ANKRD13A: variants seen among roughly 807,000 people sequenced by gnomAD.
ANKRD13A encodes the protein ankyrin repeat domain 13A, also known as ankyrin repeat domain-containing protein 13A.
Under a neutral mutation model 81.3 loss-of-function variants are expected in ANKRD13A, and 48 were observed. The ratio of observed to expected loss-of-function variants is 0.59; its 90% CI spans 0.47 to 0.75. The LOEUF (loss-of-function observed/expected upper bound fraction) is 0.75. Among genes scored for constraint, ANKRD13A ranks in the 30% least tolerant of loss-of-function variants. The probability of loss-of-function intolerance (pLI) is 0.00; values close to 1 mark genes in which losing one functional copy is unlikely to be tolerated. For synonymous variants in ANKRD13A, 230 were observed against 270.1 expected, an observed-to-expected ratio of 0.85 and a Z score of 1.45; for missense variants, 612 against 734.0, an observed-to-expected ratio of 0.83 and a Z score of 1.92.
chr12:110,017,177 T>C (rs1393080425), intron 4 of ANKRD13A, among the ~76,000 whole-genome samples: 1 of 152,208 alleles, frequency 6.6e-6, no homozygotes, highest in African/African-American at 2.4e-5. Context: ...CCCAAATTGC[T>C]GGGATTACAG....
At chr12:110,031,571 G>C (rs1480405162) in intron 12 of ANKRD13A, among the ~76,000 whole-genome samples, 1 of 151,992 alleles carries the variant, frequency 6.6e-6, no homozygotes, top group Non-Finnish European at 1.5e-5. Flanking sequence ...GGCTGGTCTG[G>C]AACTCCTGAC....
In ANKRD13A at chr12:110,013,198, C is replaced by G; in HGVS notation, c.303C>G (p.Asn101Lys). The change falls in exon 3 of 15, where the codon AAC becomes AAG. Residue 101 changes from asparagine to lysine, a missense_variant. Asn to Lys is a moderately conservative substitution (Grantham distance 94). Transcript: ENST00000261739. ...YTVLQHRDYH[N>K]TSMALEGVPE... ...TTCTCCAACATCGAGACTACCACAACACATCCATGGCCCTTGAGGGAGTTC... is the reference window on the plus strand; with the variant it reads ...TTCTCCAACATCGAGACTACCACAAGACATCCATGGCCCTTGAGGGAGTTC... 6.2e-7 allele frequency: 1 copy of G among 1,614,210 alleles called. No individual in the cohort carries two copies.
intron 12 of ANKRD13A, among the ~76,000 whole-genome samples, chr12:110,032,974 T>G (rs1191919446): frequency 6.6e-6 from 1 of 152,124 alleles, no homozygotes. Context: ...AATTATGTAT[T>G]TACCTCTGGA....
chr12:110,036,822 C>T lies in ANKRD13A; in HGVS notation c.1577+494C>T, dbSNP rs1225380493. On this transcript the variant is annotated intron_variant, in intron 14 of 14. Coordinates refer to ENST00000261739, the MANE Select transcript of ANKRD13A (RefSeq NM_033121.2). This position sits in a 1 kb window ranked among gnomAD's most constrained non-coding sequence, Gnocchi z 4.6. Reference sequence around the variant, plus strand: ...CAGTTACTTATAATAACTCTAGACTCTTGATAGCAAGTTTCCAGGAATGGG... The same window carrying T: ...CAGTTACTTATAATAACTCTAGACTTTTGATAGCAAGTTTCCAGGAATGGG... 2.0e-5 allele frequency among the ~76,000 whole-genome samples: 3 copies of T among 152,066 alleles called. No individual in the cohort carries two copies. The highest frequency in any genetic ancestry group is 4.4e-5 in the Non-Finnish European group (3 of 68,032).
At chr12:110,022,658 G>T (rs1891140447) in intron 6 of ANKRD13A, among the ~76,000 whole-genome samples, 1 of 152,124 alleles carries the variant, frequency 6.6e-6, no homozygotes, top group Non-Finnish European at 1.5e-5. Context: ...GACTTCCTGT[G>T]GCAAGACATC....
At chr12:110,007,655 C>T (rs1890308179) in intron 1 of ANKRD13A, among the ~76,000 whole-genome samples, 2 of 152,356 alleles carry the variant, frequency 1.3e-5, no homozygotes, top group Middle Eastern at 6.8e-3. Flanking sequence ...GCTGGGATTA[C>T]AGGTGTGAGC....
chr12:110,007,797 ATTG>A (rs1375477499), intron 1 of ANKRD13A, among the ~76,000 whole-genome samples: 2 of 152,118 alleles, frequency 1.3e-5, no homozygotes, highest in Non-Finnish European at 2.9e-5. Context: ...TATAGATGGA[ATTG>A]TTGTCTTAAT....
chr12:110,024,674 G>C (rs1340102139), intron 7 of ANKRD13A, among the ~76,000 whole-genome samples: 1 of 152,026 alleles, frequency 6.6e-6, no homozygotes, highest in African/African-American at 2.4e-5. Context: ...TTTGGTGTTG[G>C]AGCCCAGTGC....
intron 2 of ANKRD13A, 110 bp downstream of exon 2, chr12:110,012,247 A>G: frequency 1.6e-6 from 2 of 1,284,204 alleles, no homozygotes; most frequent in Non-Finnish European, 2.1e-6. Context: ...TGTCTGTAGT[A>G]CCAGCTACTC....
intron 6 of ANKRD13A, among the ~76,000 whole-genome samples, chr12:110,019,680 G>C (rs548564418): frequency 1.3e-5 from 2 of 152,296 alleles, no homozygotes; most frequent in East Asian, 1.9e-4. Context: ...ACCACAGAGC[G>C]TGGAGTTTCT....
rs895418657 is a variant in ANKRD13A, at chr12:110,039,133, C to T, written c.*1579C>T. 3 of 151,596 alleles carry T rather than the reference C, an allele frequency of 2.0e-5. No homozygotes were observed. The highest frequency in any genetic ancestry group is 7.3e-5 in the African/African-American group (3 of 41,168). 9.4% of individuals were successfully genotyped at this position (151,596 alleles called of 1,614,324 possible). The stretch of plus-strand genomic sequence containing the variant: ...CACATGAGGCCAGTATAGGCAACGT[C>T]ACATTTGTTTGTTTCAAATATGCAG... On this transcript the variant is annotated 3_prime_UTR_variant, in exon 15 of 15. Coordinates refer to ENST00000261739, the MANE Select transcript of ANKRD13A (RefSeq NM_033121.2).
intron 3 of ANKRD13A, among the ~76,000 whole-genome samples, chr12:110,014,789 C>CTTTTTTTTTTTTTTTTTTTTTTTT (rs761398140): frequency 1.5e-5 from 2 of 135,708 alleles, no homozygotes; most frequent in South Asian, 2.3e-4. Flanking sequence ...CATTTCTCTT[C>CTTTTTTTTTTTTTTTTTTTTTTTT]TTTTTTTTTT....
In ANKRD13A at chr12:110,018,032, A is replaced by G. The variant is rs1890880723; in HGVS notation, c.401-313A>G. 6.6e-6 allele frequency among the ~76,000 whole-genome samples: 1 copy of G among 152,152 alleles called. No individual in the cohort carries two copies. The highest frequency in any genetic ancestry group is 6.5e-5 in the Admixed American group (1 of 15,268). On this transcript the variant is annotated intron_variant, in intron 4 of 14. Coordinates refer to ENST00000261739, the MANE Select transcript of ANKRD13A (RefSeq NM_033121.2). This position sits in a 1 kb window ranked among gnomAD's most constrained non-coding sequence, Gnocchi z 4.4. Reference sequence around the variant, plus strand: ...CCATATGGCAAGAGTTGCATATGTGAGTGAGGAAGGCCAGATGTACAGACC... The same window carrying G: ...CCATATGGCAAGAGTTGCATATGTGGGTGAGGAAGGCCAGATGTACAGACC...
chr12:110,003,129 T>C (rs1890066326), intron 1 of ANKRD13A, among the ~76,000 whole-genome samples: 1 of 152,198 alleles, frequency 6.6e-6, no homozygotes, highest in Non-Finnish European at 1.5e-5. Context: ...TGGTGAGACA[T>C]GAACACTTAA....
chr12:110,035,871 C>T (rs762045190), intron 13 of ANKRD13A, among the ~76,000 whole-genome samples: 10 of 152,164 alleles, frequency 6.6e-5, no homozygotes, highest in Admixed American at 1.3e-4. Context: ...GCTACGATCA[C>T]ATCACTACCC....
intron 1 of ANKRD13A, among the ~76,000 whole-genome samples, chr12:110,006,710 C>T (rs1028865165): frequency 4.6e-5 from 7 of 152,072 alleles, no homozygotes; most frequent in Admixed American, 2.0e-4. Context: ...AATTTTCCTG[C>T]CTCAGCCTCC....
At chr12:110,029,305 G>T (rs565247205) in intron 10 of ANKRD13A, 173 bp from the exon 11 acceptor site, 7 of 610,898 alleles carry the variant, frequency 1.1e-5, no homozygotes, top group African/African-American at 1.8e-5. Context: ...AGATTTTAGG[G>T]TGATGTGAAT....
At chr12:110,001,065 C>T (rs779013105) in intron 1 of ANKRD13A, among the ~76,000 whole-genome samples, 6 of 151,392 alleles carry the variant, frequency 4.0e-5, no homozygotes, top group Non-Finnish European at 7.4e-5. Context: ...CTGAGAAACT[C>T]TGCTTTTAAA....
chr12:110,011,405 C>A (rs1890516880), intron 1 of ANKRD13A, among the ~76,000 whole-genome samples: 1 of 152,176 alleles, frequency 6.6e-6, no homozygotes. Context: ...GTGAGTAGAT[C>A]CGCATACGTG....
Sources: allele counts gnomAD v4.1 joint callset (sites outside exome capture counted in the v4.1 genomes callset), GRCh38; gene constraint gnomAD v4.1.1; non-coding constraint Gnocchi (gnomAD v3.1); transcripts MANE v1.5; gene names NCBI Gene and HGNC (gene_info 2026-07-23, HGNC 2026-07-21).